The following ASTN2 variants were observed in gnomAD, a reference collection of about 807,000 sequenced individuals.
ASTN2 encodes the protein astrotactin 2, also known as astrotactin-2.
A neutral mutation model predicts 139.8 loss-of-function variants in ASTN2; 54 were observed. That is an observed-to-expected ratio of 0.39 (90% CI 0.31 to 0.48). The LOEUF is 0.48. Among genes scored for constraint, ASTN2 ranks in the 20% least tolerant of loss-of-function variants. ASTN2 has a pLI of 0.95. For missense variants in ASTN2, 1,565 were observed against 1,725.1 expected, an observed-to-expected ratio of 0.91 and a Z score of 1.64; for synonymous variants, 756 against 719.5, an observed-to-expected ratio of 1.05 and a Z score of -0.81.
chr9:117,234,357 T>C (rs1832982606), intron 2 of ASTN2, among the ~76,000 whole-genome samples: 1 of 152,020 alleles, frequency 6.6e-6, no homozygotes, highest in South Asian at 2.1e-4. Flanking sequence ...CCCTCCCATT[T>C]CTCCTCCACG....
rs1194769684 is a variant in ASTN2 at position 116,565,371 on chromosome 9, CTCTCTCTCTCTCTCTCCATA to C, written c.3355+52933_3355+52952del. 3.2e-4 allele frequency among the ~76,000 whole-genome samples: 9 copies of C among 28,320 alleles called. No homozygotes were observed. In the East Asian group the frequency reaches 0.01, roughly 32 times the overall value. 18.6% of individuals were successfully genotyped at this position (28,320 alleles called of 152,430 possible). On this transcript the variant is annotated intron_variant, in intron 19 of 22. Coordinates refer to ENST00000313400, the MANE Select transcript of ASTN2 (RefSeq NM_001365068.1). ...ACTGTTTCTCTCTCTCTCTCTCTCT[CTCTCTCTCTCTCTCTCCATA>C]TATATATATATATATATATATATAT...
At position 116,440,613 on chromosome 9, in the gene ASTN2, G is replaced by A; in HGVS notation, c.3778C>T (p.Pro1260Ser). ...ATCACACAAATACGCCCATACCTGG[G>A]CCCCAGCTCATCCTCACTTCTCCAG... ...FVWRSEDELG[P>S]RKAHLILRRL... Residue 1260 changes from proline (P) to serine (S), a missense_variant, in exon 22 of 23, where the codon CCC becomes TCC. Coordinates refer to ENST00000313400, the MANE Select transcript of ASTN2 (RefSeq NM_001365068.1). The A allele has an allele frequency of 6.2e-7, 1 of 1,612,954 alleles. No individual in the cohort carries two copies. Among genetic ancestry groups the A allele is most frequent in the Non-Finnish European group, 8.5e-7 (1 of 1,179,966 alleles).
intron 5 of ASTN2, among the ~76,000 whole-genome samples, chr9:117,042,383 A>G (rs558694600): frequency 2.0e-5 from 3 of 152,330 alleles, no homozygotes; most frequent in African/African-American, 7.2e-5. Flanking sequence ...ACTTAATTTA[A>G]GAACAAGACC....
At chr9:116,649,354 C>A (rs1158292841) in intron 17 of ASTN2, among the ~76,000 whole-genome samples, 3 of 151,942 alleles carry the variant, frequency 2.0e-5, no homozygotes, top group Non-Finnish European at 4.4e-5. Context: ...GGGTGGATCA[C>A]CTGAGGCCAG....
chr9:116,661,042 G>A (rs1858527680), intron 16 of ASTN2, among the ~76,000 whole-genome samples: 1 of 152,154 alleles, frequency 6.6e-6, no homozygotes, highest in East Asian at 1.9e-4. Flanking sequence ...TCAAGTGAAA[G>A]CAGTTAAATT....
At chr9:117,211,851 G>A (rs1832142159) in intron 3 of ASTN2, among the ~76,000 whole-genome samples, 1 of 152,000 alleles carries the variant, frequency 6.6e-6, no homozygotes, top group Non-Finnish European at 1.5e-5. Flanking sequence ...TGTAACCAAA[G>A]AGGTAAAAGA....
chr9:117,201,071 T>C (rs1462702082), intron 3 of ASTN2, among the ~76,000 whole-genome samples: 3 of 150,274 alleles, frequency 2.0e-5, no homozygotes, highest in African/African-American at 4.9e-5. Context: ...TGGTCTATTC[T>C]GGGATTCAAC....
chr9:117,402,777 G>A (rs1029952695), intron 1 of ASTN2, among the ~76,000 whole-genome samples: 9 of 152,158 alleles, frequency 5.9e-5, no homozygotes, highest in Admixed American at 5.9e-4. Flanking sequence ...TACATGGAGT[G>A]GGGTGGGGTG....
chr9:117,230,302 G>C (rs1484949905), intron 2 of ASTN2, among the ~76,000 whole-genome samples: 1 of 152,028 alleles, frequency 6.6e-6, no homozygotes, highest in Non-Finnish European at 1.5e-5. Context: ...CCCTCCAAAG[G>C]CTCTACAGGA....
intron 13 of ASTN2, among the ~76,000 whole-genome samples, chr9:116,796,361 TC>T (rs1830688590): frequency 6.6e-6 from 1 of 152,068 alleles, no homozygotes; most frequent in African/African-American, 2.4e-5. Flanking sequence ...CTTTCCCGAA[TC>T]CCTTTTCTGG....
chr9:116,425,982 A>T lies in ASTN2; in HGVS notation c.3889T>A (p.Phe1297Ile), dbSNP rs765612898. The change falls in exon 23 of 23, where the codon TTC (phenylalanine) becomes ATC (isoleucine). Residue 1297 changes from phenylalanine to isoleucine, a missense_variant. Coordinates refer to ENST00000313400, the MANE Select transcript of ASTN2 (RefSeq NM_001365068.1). ...GGCCGGACCTCCTCGCTGCGGCAGA[A>T]AAGATAGGGCACTGTTTCCACGCGG... The part of the protein sequence containing the change: ...QSRVETVPYL[F>I]CRSEEVRPAG... 1 of 1,614,166 alleles carries T rather than the reference A, an allele frequency of 6.2e-7. No homozygotes were observed.
chr9:116,536,721 C>T (rs1006160559), intron 19 of ASTN2, among the ~76,000 whole-genome samples: 5 of 152,198 alleles, frequency 3.3e-5, no homozygotes, highest in Non-Finnish European at 7.3e-5. Context: ...CTGGAATTTT[C>T]GTCTCAGAGA....
intron 13 of ASTN2, among the ~76,000 whole-genome samples, chr9:116,760,522 C>G (rs1262454383): frequency 6.6e-6 from 1 of 152,218 alleles, no homozygotes; most frequent in Admixed American, 6.5e-5. Context: ...GCAATTCAGA[C>G]CTGACTGTGA....
intron 15 of ASTN2, among the ~76,000 whole-genome samples, 160 bp downstream of exon 15, chr9:116,728,832 T>C (rs1043526422): frequency 3.3e-5 from 5 of 152,172 alleles, no homozygotes; most frequent in African/African-American, 4.8e-5. Flanking sequence ...GTCAGACTCC[T>C]GTCCACCCAC....
chr9:116,707,285 CAAAAAAAAAAAAAAAAA>C (rs766053427), intron 16 of ASTN2, among the ~76,000 whole-genome samples: 1 of 60,638 alleles, frequency 1.6e-5, no homozygotes, highest in Non-Finnish European at 3.0e-5. Context: ...GCCCCCTGAC[CAAAAAAAAAAAAAAAAA>C]AAAAAAAAAA....
chr9:116,620,136 A>G (rs906988976), intron 18 of ASTN2, among the ~76,000 whole-genome samples, 174 bp downstream of exon 18: 6 of 152,158 alleles, frequency 3.9e-5, no homozygotes, highest in African/African-American at 1.4e-4. Flanking sequence ...CTGTGCCACA[A>G]TTCTGTTCTG....
chr9:117,006,473 A>T (rs777137265), intron 7 of ASTN2, among the ~76,000 whole-genome samples: 19 of 152,102 alleles, frequency 1.2e-4, no homozygotes, highest in Admixed American at 5.2e-4. Flanking sequence ...ATACTCTTAA[A>T]TGTATCCAGA....
intron 2 of ASTN2, among the ~76,000 whole-genome samples, chr9:117,235,435 A>G (rs955657716): frequency 6.6e-6 from 1 of 152,180 alleles, no homozygotes; most frequent in African/African-American, 2.4e-5. Context: ...CGGGTCACGA[A>G]ATTAATCTGT....
At chr9:116,601,636 A>G (rs543536148) in intron 19 of ASTN2, among the ~76,000 whole-genome samples, 132 of 152,330 alleles carry the variant, frequency 8.7e-4, no homozygotes, top group African/African-American at 3.1e-3. Flanking sequence ...TGAACAAGAG[A>G]AAAGAGTTAA....
Sources: allele counts gnomAD v4.1 joint callset (sites outside exome capture counted in the v4.1 genomes callset), GRCh38; gene constraint gnomAD v4.1.1; transcripts MANE v1.5; gene names NCBI Gene and HGNC (gene_info 2026-07-23, HGNC 2026-07-21).